The following PPM1B variants were observed in gnomAD, a reference collection of about 807,000 sequenced individuals.
PPM1B encodes protein phosphatase, Mg2+/Mn2+ dependent 1B, also known as protein phosphatase 1B.
A neutral mutation model predicts 43.0 loss-of-function variants in PPM1B; 22 were observed. The observed-to-expected ratio is 0.51, with a 90% CI of 0.37 to 0.73. The LOEUF (loss-of-function observed/expected upper bound fraction) is 0.73, where lower values mean the gene tolerates loss of function less well. PPM1B is among the 30% of genes least tolerant of loss of function. PPM1B has a pLI of 0.00. For synonymous variants in PPM1B, 217 were observed against 197.9 expected, an observed-to-expected ratio of 1.10 and a Z score of -0.81; for missense variants, 632 against 584.2, an observed-to-expected ratio of 1.08 and a Z score of -0.84.
At chr2:44,181,776 C>A (rs1275604304) in intron 1 of PPM1B, among the ~76,000 whole-genome samples, 2 of 152,072 alleles carry the variant, frequency 1.3e-5, no homozygotes, top group African/African-American at 4.8e-5. Flanking sequence ...TGTAGCATAA[C>A]CAAGCTTTGT....
rs138885109 is a variant in PPM1B at position 44,218,018 on chromosome 2, T to C, written c.1016T>C (p.Met339Thr). ...EEGMPDLAHV[M>T]RILSAENIPN... Reference sequence around the variant, plus strand: ...GGAATGCCTGATCTTGCCCATGTCATGCGCATCTTGTCTGCAGAAAATATC... The same window carrying C: ...GGAATGCCTGATCTTGCCCATGTCACGCGCATCTTGTCTGCAGAAAATATC... Residue 339 changes from methionine (M) to threonine (T), a missense_variant, in exon 4 of 6, where the codon ATG becomes ACG. Transcript: ENST00000282412. The C allele has an allele frequency of 1.1e-5, 17 of 1,612,572 alleles. No homozygotes were observed. Among genetic ancestry groups the C allele is most frequent in the African/African-American group, 4.0e-5 (3 of 74,946 alleles).
intron 1 of PPM1B, among the ~76,000 whole-genome samples, chr2:44,196,521 G>A (rs111285626): frequency 3.9e-5 from 6 of 152,058 alleles, no homozygotes; most frequent in Non-Finnish European, 5.9e-5. Flanking sequence ...TCTCTCCCTC[G>A]TTTTCATTTT....
intron 2 of PPM1B, among the ~76,000 whole-genome samples, chr2:44,202,957 G>C (rs948470609): frequency 2.0e-5 from 3 of 152,044 alleles, no homozygotes; most frequent in Non-Finnish European, 4.4e-5. Context: ...AAGATACCAA[G>C]GTAAAACTGA....
intron 5 of PPM1B, among the ~76,000 whole-genome samples, chr2:44,243,439 G>C (rs1157317568): frequency 6.6e-6 from 1 of 151,972 alleles, no homozygotes; most frequent in African/African-American, 2.4e-5. Context: ...TCAACCTTCA[G>C]TTGCATACAA....
chr2:44,235,480 G>T (rs888400656), downstream of PPM1B, among the ~76,000 whole-genome samples: 1 of 151,698 alleles, frequency 6.6e-6, no homozygotes. Context: ...GCGCATGCCC[G>T]TAATCCCAGC....
At chr2:44,230,280 T>G (rs756121215) in intron 5 of PPM1B, 133 bp from the exon 6 acceptor site, 8 of 1,486,612 alleles carry the variant, frequency 5.4e-6, no homozygotes, top group Non-Finnish European at 7.2e-6. Context: ...AATTGATATT[T>G]AATAAAATGT....
intron 2 of PPM1B, among the ~76,000 whole-genome samples, chr2:44,207,888 C>CT (rs569077342): frequency 0.031 from 3,024 of 97,378 alleles, 163 homozygotes; most frequent in African/African-American, 0.095. Context: ...TGGCTTTATG[C>CT]TTTTTTTTTT....
chr2:44,222,016 A>G (rs1669999982), intron 5 of PPM1B, among the ~76,000 whole-genome samples: 1 of 152,114 alleles, frequency 6.6e-6, no homozygotes, highest in Non-Finnish European at 1.5e-5. Flanking sequence ...GGGTTTAGCC[A>G]GGGATTCTTA....
rs1248696429 is a variant in PPM1B, at chr2:44,218,010, C to T, written c.1008C>T (p.Ala336=). Residue 336 remains alanine, a synonymous_variant, in exon 4 of 6, where the codon GCC becomes GCT. Transcript: ENST00000282412. ...KSGEEGMPDL[A]HVMRILSAEN... ...GCGAGGAAGGAATGCCTGATCTTGC[C>T]CATGTCATGCGCATCTTGTCTGCAG... is the stretch of plus-strand genomic sequence containing the variant. 5 of 1,610,266 alleles carry T rather than the reference C, an allele frequency of 3.1e-6. No individual in the cohort carries two copies. The highest frequency in any genetic ancestry group is 4.2e-6 in the Non-Finnish European group (5 of 1,178,806).
chr2:44,213,856 A>G (rs1264533168), intron 3 of PPM1B: 2 of 152,184 alleles, frequency 1.3e-5, no homozygotes, highest in African/African-American at 4.8e-5. Context: ...TTAATGATAA[A>G]TTGTAGTATA....
intron 1 of PPM1B, among the ~76,000 whole-genome samples, chr2:44,196,750 A>G (rs1572708614): frequency 1.3e-5 from 2 of 152,178 alleles, no homozygotes; most frequent in African/African-American, 4.8e-5. Context: ...ATATTACGTT[A>G]TTTTGTTGCT....
chr2:44,209,138 A>G (rs981935915), intron 2 of PPM1B, 72 bp from the exon 3 acceptor site: 8 of 1,276,804 alleles, frequency 6.3e-6, no homozygotes, highest in Non-Finnish European at 8.5e-6. Flanking sequence ...ATAATTGCTT[A>G]AAGTATTTTG....
At position 44,180,641 on chromosome 2, in the gene PPM1B, C is replaced by G. The variant is rs142752858; in HGVS notation, c.-15+11367C>G. 3.0e-3 allele frequency among the ~76,000 whole-genome samples: 449 copies of G among 151,766 alleles called. 3 individuals carry two copies. The highest frequency in any genetic ancestry group is 0.01 in the African/African-American group (427 of 41,384). On this transcript the variant is annotated intron_variant, in intron 1 of 5. Coordinates refer to ENST00000282412, the MANE Select transcript of PPM1B (RefSeq NM_002706.6). ...TTTGTTTTTTTTTGAGATGGTGTCT[C>G]ACTCTGTTGTCCAGGCTAGAGTGCA...
chr2:44,196,074 T>C (rs1668647848), intron 1 of PPM1B, among the ~76,000 whole-genome samples: 1 of 152,206 alleles, frequency 6.6e-6, no homozygotes, highest in Non-Finnish European at 1.5e-5. Flanking sequence ...CTTGAACCCT[T>C]ACAATTAATG....
chr2:44,178,301 A>G (rs916060789), intron 1 of PPM1B, among the ~76,000 whole-genome samples: 4 of 152,014 alleles, frequency 2.6e-5, no homozygotes, highest in Non-Finnish European at 4.4e-5. Flanking sequence ...AACCATTTAC[A>G]TGCCATATAT....
chr2:44,169,817 T>G (rs1315431531), intron 1 of PPM1B, among the ~76,000 whole-genome samples: 1 of 152,216 alleles, frequency 6.6e-6, no homozygotes, highest in Non-Finnish European at 1.5e-5. Flanking sequence ...TCTCTTTTCT[T>G]CGTACCCCGG....
intron 3 of PPM1B, among the ~76,000 whole-genome samples, chr2:44,210,937 A>G (rs914509938): frequency 1.1e-4 from 16 of 152,270 alleles, no homozygotes; most frequent in Admixed American, 7.8e-4. Context: ...AGAGTTGGAG[A>G]CCAGCCTGGC....
At chr2:44,205,354 G>GGTGTGTGTGTGTGTGT (rs3074507) in intron 2 of PPM1B, among the ~76,000 whole-genome samples, 2 of 91,718 alleles carry the variant, frequency 2.2e-5, no homozygotes, top group African/African-American at 6.9e-5. Flanking sequence ...TGTGGGTGTG[G>GGTGTGTGTGTGTGTGT]GTGTGTGTGT....
intron 2 of PPM1B, among the ~76,000 whole-genome samples, chr2:44,205,354 G>GGTGTGTGTGTCGGGGT (rs1553333036): frequency 2.8e-4 from 26 of 91,818 alleles, no homozygotes; most frequent in Middle Eastern, 5.6e-3. Flanking sequence ...TGTGGGTGTG[G>GGTGTGTGTGTCGGGGT]GTGTGTGTGT....
Sources: allele counts gnomAD v4.1 joint callset (sites outside exome capture counted in the v4.1 genomes callset), GRCh38; gene constraint gnomAD v4.1.1; transcripts MANE v1.5; gene names NCBI Gene and HGNC (gene_info 2026-07-23, HGNC 2026-07-21).